The following POR variants were observed in gnomAD, a reference collection of about 807,000 sequenced individuals.
POR encodes the protein NADPH--cytochrome P450 reductase.
A neutral mutation model predicts 84.0 loss-of-function variants in POR; 56 were observed. That is an observed-to-expected ratio of 0.67 (90% CI 0.54 to 0.83). The LOEUF (loss-of-function observed/expected upper bound fraction) is 0.83. POR is among the 40% of genes least tolerant of loss of function. POR has a pLI of 0.00. For missense variants in POR, 938 were observed against 944.3 expected, an observed-to-expected ratio of 0.99 and a Z score of 0.09; for synonymous variants, 414 against 400.5, an observed-to-expected ratio of 1.03 and a Z score of -0.40.
In POR at chr7:75,979,497, A is replaced by G. The variant is rs781919285; in HGVS notation, c.284A>G (p.Glu95Gly). ...TACGGCTCCCAGACGGGGACTGCAG[A>G]GGAGTTTGCCAACCGCCTGTCCAAG... Residue 95 changes from glutamate (E) to glycine (G), a missense_variant, in exon 4 of 16, where the codon GAG becomes GGG. Glu to Gly is a moderately conservative substitution (Grantham distance 98). Coordinates refer to ENST00000461988, the MANE Select transcript of POR (RefSeq NM_000941.3). 6.2e-7 allele frequency: 1 copy of G among 1,613,502 alleles called. No homozygotes were observed. Among genetic ancestry groups the G allele is most frequent in the South Asian group, 1.1e-5 (1 of 91,080 alleles).
intron 2 of POR, among the ~76,000 whole-genome samples, chr7:75,961,148 G>C (rs1787918885): frequency 6.6e-6 from 1 of 151,500 alleles, no homozygotes; most frequent in Non-Finnish European, 1.5e-5. Flanking sequence ...CAGGAGAATT[G>C]CTTGAATCCA....
chr7:75,917,129 G>A lies in POR; in HGVS notation c.-5+1950G>A, dbSNP rs557996963. Among the ~76,000 whole-genome samples the A allele has an allele frequency of 4.9e-4, 74 of 151,342 alleles. 1 individual carries two copies. In the South Asian group the frequency reaches 0.013, roughly 27 times the overall value. ...GTCGTGCAGGCTGGAGTGCAGTGGC[G>A]CAATCATAGCTCACTGCAGCCTCAA... On this transcript the variant is annotated intron_variant, in intron 1 of 15. Coordinates refer to ENST00000461988, the MANE Select transcript of POR (RefSeq NM_000941.3).
intron 1 of POR, among the ~76,000 whole-genome samples, chr7:75,927,473 CAAAA>C (rs1301534459): frequency 6.6e-6 from 1 of 151,044 alleles, no homozygotes; most frequent in South Asian, 2.1e-4. Flanking sequence ...AAAACAACAA[CAAAA>C]AAAACCCCAA....
chr7:75,950,981 T>C (rs112944433), intron 1 of POR, among the ~76,000 whole-genome samples: 11,902 of 142,996 alleles, frequency 0.083, 1,452 homozygotes, highest in African/African-American at 0.27. Flanking sequence ...ATTGCTTGAA[T>C]CCGGGAGGCA....
intron 1 of POR, among the ~76,000 whole-genome samples, chr7:75,939,152 G>T (rs184853698): frequency 1.6e-3 from 239 of 152,342 alleles, no homozygotes; most frequent in African/African-American, 5.7e-3. Flanking sequence ...ACAGTTCCTG[G>T]AGTGCAGCAG....
chr7:75,974,112 C>T (rs527809488), intron 3 of POR, among the ~76,000 whole-genome samples: 9 of 152,248 alleles, frequency 5.9e-5, no homozygotes, highest in African/African-American at 1.7e-4. Context: ...TTCACTGTAA[C>T]GCACTTAACC....
chr7:75,983,908 G>A, intron 10 of POR, 52 bp downstream of exon 10: 1 of 1,433,384 alleles, frequency 7.0e-7, no homozygotes, highest in Admixed American at 2.0e-5. Context: ...CGCGGGATTG[G>A]GCCTGTAGGA....
chr7:75,951,967 A>C (rs1424688051), intron 1 of POR, among the ~76,000 whole-genome samples: 27 of 140,928 alleles, frequency 1.9e-4, no homozygotes, highest in Admixed American at 1.7e-3. Flanking sequence ...CGGGGGGCTG[A>C]CCCCCCCACC....
At chr7:75,937,513 TG>T (rs1807758934) in intron 1 of POR, among the ~76,000 whole-genome samples, 1 of 137,146 alleles carries the variant, frequency 7.3e-6, no homozygotes, top group Non-Finnish European at 1.5e-5. Context: ...CCGTGTTTGG[TG>T]GCTCACGTCT....
chr7:75,956,732 T>G (rs1424315482), intron 2 of POR, among the ~76,000 whole-genome samples: 3 of 151,922 alleles, frequency 2.0e-5, no homozygotes, highest in African/African-American at 7.2e-5. Context: ...CAACATAGTT[T>G]TTTTTTTTTT....
At chr7:75,929,358 G>C (rs529565884) in intron 1 of POR, among the ~76,000 whole-genome samples, 4 of 152,224 alleles carry the variant, frequency 2.6e-5, no homozygotes, top group Non-Finnish European at 5.9e-5. Flanking sequence ...CCGCCTCCTG[G>C]GTTCAAGTGA....
chr7:75,946,383 C>T (rs1787173332), intron 1 of POR, among the ~76,000 whole-genome samples: 1 of 151,970 alleles, frequency 6.6e-6, no homozygotes, highest in Admixed American at 6.6e-5. Context: ...ACCTCCTGGG[C>T]TCAGGTGATC....
In POR at chr7:75,985,718, C is replaced by T. The variant is rs1216381984; in HGVS notation, c.1538C>T (p.Pro513Leu). The T allele has an allele frequency of 5.0e-6, 8 of 1,588,296 alleles. No homozygotes were observed. Among genetic ancestry groups the T allele is most frequent in the Non-Finnish European group, 6.8e-6 (8 of 1,169,228 alleles). ...GAGAACGGCGGCCGTGCGCTGGTGC[C>T]CATGTTCGTGCGCAAGTCCCAGTTC... The change falls in exon 13 of 16, where the codon CCC (proline) becomes CTC (leucine). Residue 513 changes from proline to leucine, a missense_variant. By Grantham distance (98) the Pro-to-Leu change is moderately conservative. Transcript: ENST00000461988.
At chr7:75,949,660 C>T (rs1003224628) in intron 1 of POR, among the ~76,000 whole-genome samples, 2 of 151,974 alleles carry the variant, frequency 1.3e-5, no homozygotes, top group South Asian at 4.1e-4. Context: ...GCTGGGATTA[C>T]AGGCATGCGC....
intron 1 of POR, among the ~76,000 whole-genome samples, chr7:75,919,164 C>T (rs1806727063): frequency 6.6e-6 from 1 of 151,920 alleles, no homozygotes; most frequent in South Asian, 2.1e-4. Context: ...ATGTCTGGCT[C>T]AGGACAGTGT....
At position 75,974,923 on chromosome 7, in the gene POR, CTCTTG is replaced by C. The variant is rs368030728; in HGVS notation, c.237+2466_237+2470del. 9.6e-3 allele frequency among the ~76,000 whole-genome samples: 1,465 copies of C among 152,180 alleles called. 25 individuals carry two copies. The highest frequency in any genetic ancestry group is 0.033 in the African/African-American group (1,390 of 41,518). Reference sequence around the variant, plus strand: ...CCTTGAAATTATTAGGGAGATGAATCTCTTGTCTGTGATATAAGTTGAAAATATCT... The same window carrying C: ...CCTTGAAATTATTAGGGAGATGAATCTCTGTGATATAAGTTGAAAATATCT... On this transcript the variant is annotated intron_variant, in intron 3 of 15. Transcript: ENST00000461988.
chr7:75,979,299 C>T (rs1788870306), intron 3 of POR, among the ~76,000 whole-genome samples, 152 bp from the exon 4 acceptor site: 2 of 152,156 alleles, frequency 1.3e-5, no homozygotes, highest in Admixed American at 1.3e-4. Flanking sequence ...CAGTGAGAAG[C>T]AAGTCCCAGA....
chr7:75,980,385 T>G lies in POR; in HGVS notation c.413T>G (p.Phe138Cys), dbSNP rs781831685. Residue 138 changes from phenylalanine to cysteine, a missense_variant, in exon 5 of 16, where the codon TTC becomes TGC. Physicochemically the swap from Phe to Cys is radical, Grantham distance 205. Coordinates refer to ENST00000461988, the MANE Select transcript of POR (RefSeq NM_000941.3). ...GAGATCGACAACGCCCTGGTGGTTT[T>G]CTGCATGGCCACCTACGGTGAGGGA... 4 of 1,613,160 alleles carry G rather than the reference T, an allele frequency of 2.5e-6. No homozygotes were observed. Among genetic ancestry groups the G allele is most frequent in the Non-Finnish European group, 3.4e-6 (4 of 1,179,876 alleles).
chr7:75,919,407 G>GTGTGTGTGTGTGTT (rs1415181824), intron 1 of POR, among the ~76,000 whole-genome samples: 1 of 151,882 alleles, frequency 6.6e-6, no homozygotes, highest in African/African-American at 2.4e-5. Context: ...GTGTGTGTGT[G>GTGTGTGTGTGTGTT]TATGCATATA....
Sources: gnomAD v4.1 joint callset for allele counts (sites outside exome capture counted in the v4.1 genomes callset) on GRCh38, gnomAD v4.1.1 for gene constraint, MANE v1.5 for transcripts, NCBI Gene and HGNC (gene_info 2026-07-23, HGNC 2026-07-21) for gene names.